MYO16: variants seen among roughly 807,000 people sequenced by gnomAD.
MYO16 encodes myosin XVI.
In MYO16, 94 loss-of-function variants were observed where a neutral mutation model predicts 205.3. The observed-to-expected ratio is 0.46, with a 90% CI of 0.39 to 0.54. MYO16 has a LOEUF of 0.54. Ranked by LOEUF, MYO16 falls within the 20% of genes least tolerant of loss-of-function variation. The pLI is 0.00. For synonymous variants in MYO16, 988 were observed against 954.0 expected (o/e 1.04, Z -0.66); for missense variants, 2,315 against 2,387.5 (o/e 0.97, Z 0.63).
intron 20 of MYO16, among the ~76,000 whole-genome samples, chr13:108,990,818 A>G (rs1566448704): frequency 6.6e-6 from 1 of 152,174 alleles, no homozygotes. Context: ...AATTATGACT[A>G]CATTTTTAGA....
chr13:108,554,064 A>G, the MYO16 span, among the ~76,000 whole-genome samples: 1 of 152,166 alleles, frequency 6.6e-6, no homozygotes, highest in East Asian at 1.9e-4. Flanking sequence ...TGTGCCATAC[A>G]TAGCACCTTG....
chr13:108,886,269 G>A (rs914049596), intron 13 of MYO16, among the ~76,000 whole-genome samples: 1 of 152,102 alleles, frequency 6.6e-6, no homozygotes, highest in African/African-American at 2.4e-5. Flanking sequence ...TTACAGGCGT[G>A]AGCCACCGCG....
chr13:108,631,573 A>G (rs753215813), intron 1 of MYO16, among the ~76,000 whole-genome samples: 5 of 152,228 alleles, frequency 3.3e-5, no homozygotes, highest in Non-Finnish European at 7.3e-5. Flanking sequence ...ATTAGCAACT[A>G]CTTACTAAAG....
intron 2 of MYO16, among the ~76,000 whole-genome samples, chr13:108,698,286 G>A (rs534758761): frequency 6.6e-6 from 1 of 152,288 alleles, no homozygotes; most frequent in South Asian, 2.1e-4. Context: ...GCTAAAGGAG[G>A]TAATGTTCAG....
chr13:109,082,135 G>T (rs1183964999), intron 27 of MYO16, among the ~76,000 whole-genome samples: 2 of 152,150 alleles, frequency 1.3e-5, no homozygotes, highest in Admixed American at 1.3e-4. Context: ...TTTGATATTT[G>T]TGGCCTGATA....
intron 4 of MYO16, among the ~76,000 whole-genome samples, chr13:108,762,515 A>G (rs1444679304): frequency 1.3e-5 from 2 of 152,138 alleles, no homozygotes; most frequent in Admixed American, 1.3e-4. Context: ...TTTTTTAACA[A>G]TAGCCATTCT....
intron 27 of MYO16, chr13:109,056,143 T>C (rs1053332666): frequency 2.6e-5 from 4 of 153,784 alleles, no homozygotes; most frequent in Non-Finnish European, 5.8e-5. Flanking sequence ...ATTTGTAAAA[T>C]GTTTCTTATC....
chr13:109,090,766 C>T (rs181308562), intron 27 of MYO16, among the ~76,000 whole-genome samples: 35 of 152,272 alleles, frequency 2.3e-4, no homozygotes, highest in African/African-American at 8.2e-4. Context: ...ACAACTTTGT[C>T]TCTGCTTTCA....
chr13:109,127,285 C>T lies in MYO16; in HGVS notation c.3786C>T (p.Thr1262=), dbSNP rs374925684. The stretch of plus-strand genomic sequence containing the variant: ...TTGTGTTTTGTTTCCCCCTAAGAAC[C>T]GATGACAAGAGTGGACCCAGGCATT... ...RNMQEEGSKR[T]DDKSGPRHFH... The change falls in exon 31 of 35, where the codon ACC becomes ACT. Residue 1262 remains threonine, a synonymous_variant. Transcript: ENST00000457511. The surrounding 1 kb of genome is among the most constrained non-coding windows in gnomAD (Gnocchi z 4.2). 215 of 1,577,552 alleles carry T rather than the reference C, an allele frequency of 1.4e-4. No homozygotes were observed. Among genetic ancestry groups the T allele is most frequent in the Non-Finnish European group, 1.8e-4 (208 of 1,156,780 alleles).
intron 16 of MYO16, among the ~76,000 whole-genome samples, chr13:108,927,245 G>A (rs1340144973): frequency 6.6e-6 from 1 of 152,122 alleles, no homozygotes; most frequent in Non-Finnish European, 1.5e-5. Flanking sequence ...GGTAAATAAT[G>A]CATTATATTT....
At chr13:109,045,884 G>T (rs1461176131) in intron 23 of MYO16, among the ~76,000 whole-genome samples, 1 of 152,132 alleles carries the variant, frequency 6.6e-6, no homozygotes, top group Non-Finnish European at 1.5e-5. Context: ...AAGAACTCAG[G>T]TTAGCCATCC....
At chr13:108,970,769 C>T (rs946223919) in intron 20 of MYO16, among the ~76,000 whole-genome samples, 3 of 152,136 alleles carry the variant, frequency 2.0e-5, no homozygotes, top group Non-Finnish European at 2.9e-5. Flanking sequence ...CTGGTTGCTC[C>T]CACCCCCTCC....
intron 7 of MYO16, among the ~76,000 whole-genome samples, chr13:108,815,564 C>T (rs1429344827): frequency 6.6e-6 from 1 of 152,158 alleles, no homozygotes; most frequent in Non-Finnish European, 1.5e-5. Context: ...ACAAATTCTC[C>T]CTTATAGCCA....
intron 7 of MYO16, among the ~76,000 whole-genome samples, chr13:108,807,564 A>G (rs1887153443): frequency 6.6e-6 from 1 of 152,130 alleles, no homozygotes; most frequent in African/African-American, 2.4e-5. Context: ...CCAGCTTTTT[A>G]TTTCTCCTTG....
chr13:108,877,915 A>G (rs1311859605), intron 12 of MYO16, among the ~76,000 whole-genome samples: 2 of 152,208 alleles, frequency 1.3e-5, no homozygotes, highest in African/African-American at 4.8e-5. Context: ...TGAGAGTACC[A>G]TTCTATATGC....
At chr13:108,627,545 G>A (rs753699160), upstream of MYO16, among the ~76,000 whole-genome samples, 1 of 152,074 alleles carries the variant, frequency 6.6e-6, no homozygotes, top group Non-Finnish European at 1.5e-5. Context: ...ATAGCACAAA[G>A]AGTTGCCAAA....
At chr13:108,874,727 AT>A (rs1879243362) in intron 12 of MYO16, among the ~76,000 whole-genome samples, 3 of 142,572 alleles carry the variant, frequency 2.1e-5, no homozygotes, top group Non-Finnish European at 4.6e-5. Context: ...TATTATTATT[AT>A]TATTATTATA....
chr13:108,940,409 C>CAAA (rs1439736037), intron 16 of MYO16, among the ~76,000 whole-genome samples: 2 of 152,136 alleles, frequency 1.3e-5, no homozygotes, highest in African/African-American at 4.8e-5. Flanking sequence ...GTTCTAATAA[C>CAAA]AATTGACTTG....
At chr13:108,812,039 G>A (rs1466970112) in intron 7 of MYO16, among the ~76,000 whole-genome samples, 1 of 152,160 alleles carries the variant, frequency 6.6e-6, no homozygotes, top group Non-Finnish European at 1.5e-5. Context: ...CATATGTGAG[G>A]TTAAAGCTAT....
Sources: gnomAD v4.1 joint callset for allele counts (sites outside exome capture counted in the v4.1 genomes callset) on GRCh38, gnomAD v4.1.1 for gene constraint, Gnocchi (gnomAD v3.1) non-coding constraint, MANE v1.5 for transcripts, NCBI Gene and HGNC (gene_info 2026-07-23, HGNC 2026-07-21) for gene names.